Variants in CTNNA3 observed in about 807,000 individuals in gnomAD.
The protein encoded by CTNNA3 is catenin alpha-3.
In CTNNA3, 76 loss-of-function variants were observed where a neutral mutation model predicts 95.7. The ratio of observed to expected loss-of-function variants is 0.79; its 90% CI spans 0.66 to 0.96. The LOEUF is 0.96. CTNNA3 is among the 40% of genes least tolerant of loss of function. The probability of loss-of-function intolerance (pLI) is 0.00; values close to 1 mark genes in which losing one functional copy is unlikely to be tolerated. For missense variants in CTNNA3, 1,191 were observed against 1,089.8 expected, an observed-to-expected ratio of 1.09 and a Z score of -1.31; for synonymous variants, 431 against 374.4, an observed-to-expected ratio of 1.15 and a Z score of -1.74.
intron 11 of CTNNA3, among the ~76,000 whole-genome samples, chr10:66,423,630 A>C (rs2093215045): frequency 2.6e-5 from 4 of 152,160 alleles, no homozygotes; most frequent in Admixed American, 2.6e-4. Flanking sequence ...AGAGATGTTT[A>C]GCCCCAAGGT....
intron 5 of CTNNA3, among the ~76,000 whole-genome samples, chr10:67,324,895 T>C (rs973152343): frequency 2.6e-5 from 4 of 152,160 alleles, no homozygotes; most frequent in African/African-American, 9.7e-5. Context: ...TGATAGGCTA[T>C]TTATTACGGC....
At chr10:66,788,504 A>C (rs1011064571) in intron 7 of CTNNA3, among the ~76,000 whole-genome samples, 4 of 152,210 alleles carry the variant, frequency 2.6e-5, no homozygotes, top group African/African-American at 9.6e-5. Context: ...TAAATTGAAA[A>C]TGAAACTATT....
chr10:67,317,808 A>G (rs558813186), intron 5 of CTNNA3, among the ~76,000 whole-genome samples: 6 of 152,210 alleles, frequency 3.9e-5, no homozygotes, highest in African/African-American at 1.4e-4. Flanking sequence ...ACCCTTTTCA[A>G]CTAGACCTTC....
chr10:67,083,220 TA>T (rs1278012958), intron 7 of CTNNA3, among the ~76,000 whole-genome samples: 2 of 152,054 alleles, frequency 1.3e-5, no homozygotes, highest in African/African-American at 2.4e-5. Flanking sequence ...TGTCCTCAAG[TA>T]AAAAGAAAGT....
At chr10:67,181,756 G>T (rs151090769) in intron 6 of CTNNA3, among the ~76,000 whole-genome samples, 1 of 151,832 alleles carries the variant, frequency 6.6e-6, no homozygotes, top group Admixed American at 6.6e-5. Context: ...AAGTAGCCAG[G>T]ATACAATTTT....
rs115300731 is a variant in CTNNA3, at chr10:66,427,641, C to A, written c.1532-48289G>T. ...AAACAGAGGTGGAACAACAATAAGC[C>A]ATTTCAGCATATGAGTGATATCTGC... On this transcript the variant is annotated intron_variant, in intron 11 of 17. Coordinates refer to ENST00000433211, the MANE Select transcript of CTNNA3 (RefSeq NM_013266.4). Among the ~76,000 whole-genome samples, 1,049 of 152,122 alleles carry A rather than the reference C, an allele frequency of 6.9e-3. 10 individuals carry two copies. Among genetic ancestry groups the A allele is most frequent in the African/African-American group, 0.024 (999 of 41,524 alleles).
At chr10:67,697,580 C>T (rs893499616), upstream of CTNNA3, among the ~76,000 whole-genome samples, 1 of 152,126 alleles carries the variant, frequency 6.6e-6, no homozygotes, top group African/African-American at 2.4e-5. Context: ...TTTTCATTTG[C>T]TTTTCAGAGG....
intron 5 of CTNNA3, among the ~76,000 whole-genome samples, chr10:67,447,364 C>T (rs918378934): frequency 6.6e-6 from 1 of 152,276 alleles, no homozygotes; most frequent in African/African-American, 2.4e-5. Flanking sequence ...CTATGATATG[C>T]AACACAATCT....
intron 7 of CTNNA3, among the ~76,000 whole-genome samples, chr10:67,113,044 A>G (rs529502627): frequency 3.9e-5 from 6 of 152,266 alleles, no homozygotes; most frequent in Admixed American, 1.3e-4. Flanking sequence ...ATTCGCTATC[A>G]TGGTGACCAT....
chr10:66,173,756 A>T (rs900171639), intron 13 of CTNNA3, among the ~76,000 whole-genome samples: 9 of 152,184 alleles, frequency 5.9e-5, no homozygotes, highest in Admixed American at 5.9e-4. Context: ...AGGAACACAG[A>T]GAATTTAGGT....
At chr10:66,319,304 A>G (rs1390746399) in intron 12 of CTNNA3, among the ~76,000 whole-genome samples, 1 of 152,108 alleles carries the variant, frequency 6.6e-6, no homozygotes, top group Non-Finnish European at 1.5e-5. Context: ...CTACTTACTG[A>G]TTCAATATTT....
chr10:66,775,613 G>A, intron 7 of CTNNA3, 89 bp from the exon 8 acceptor site: 1 of 876,488 alleles, frequency 1.1e-6, no homozygotes, highest in Non-Finnish European at 1.8e-6. Flanking sequence ...GAAAATAACA[G>A]CTTGAAATTC....
chr10:66,018,665 G>T (rs1480955517), intron 15 of CTNNA3, among the ~76,000 whole-genome samples: 1 of 151,986 alleles, frequency 6.6e-6, no homozygotes, highest in East Asian at 1.9e-4. Flanking sequence ...ATAATCAATT[G>T]TTTCTCAAAC....
intron 7 of CTNNA3, among the ~76,000 whole-genome samples, chr10:66,855,872 C>T (rs10997420): frequency 0.46 from 70,286 of 151,754 alleles, 17,022 homozygotes; most frequent in Non-Finnish European, 0.53. Flanking sequence ...CACATGTCTT[C>T]AGCCTTATCA....
chr10:66,842,288 T>C (rs1289691175), intron 7 of CTNNA3, among the ~76,000 whole-genome samples: 1 of 151,928 alleles, frequency 6.6e-6, no homozygotes, highest in Non-Finnish European at 1.5e-5. Flanking sequence ...AATATATTAG[T>C]ATTGTAATGG....
chr10:67,726,341 TA>T (rs1841216289), intron 1 of CTNNA3, among the ~76,000 whole-genome samples: 1 of 55,074 alleles, frequency 1.8e-5, no homozygotes, highest in East Asian at 1.2e-3. Flanking sequence ...ATATTATATA[TA>T]ATATATGATA....
chr10:67,687,021 GA>G, intron 1 of CTNNA3, among the ~76,000 whole-genome samples: 1 of 152,306 alleles, frequency 6.6e-6, no homozygotes, highest in South Asian at 2.1e-4. Flanking sequence ...AAAGGCATGT[GA>G]AAAGAGCAAA....
chr10:67,044,200 G>GA (rs1258142471), intron 7 of CTNNA3, among the ~76,000 whole-genome samples: 1 of 151,902 alleles, frequency 6.6e-6, no homozygotes, highest in African/African-American at 2.4e-5. Flanking sequence ...TAATATTAAA[G>GA]AAAAAATATG....
At chr10:66,272,313 C>A (rs2091299446) in intron 13 of CTNNA3, among the ~76,000 whole-genome samples, 1 of 152,078 alleles carries the variant, frequency 6.6e-6, no homozygotes, top group African/African-American at 2.4e-5. Context: ...CTTAGATGAA[C>A]TTAGGAAATC....
Sources: gnomAD v4.1 joint callset for allele counts (sites outside exome capture counted in the v4.1 genomes callset) on GRCh38, gnomAD v4.1.1 for gene constraint, MANE v1.5 for transcripts, NCBI Gene and HGNC (gene_info 2026-07-23, HGNC 2026-07-21) for gene names.